The following NRG1 variants were observed in gnomAD, a reference collection of about 807,000 sequenced individuals.
NRG1 encodes neuregulin 1.
NRG1 carries 18 observed loss-of-function variants against 63.8 expected under a neutral mutation model. That is an observed-to-expected ratio of 0.28 (90% CI 0.19 to 0.42). The LOEUF is 0.42. Ranked by LOEUF, NRG1 falls within the 10% of genes least tolerant of loss-of-function variation. The probability of loss-of-function intolerance (pLI) is 1.00; values close to 1 mark genes in which losing one functional copy is unlikely to be tolerated. For missense variants in NRG1, 762 were observed against 814.7 expected (o/e 0.94, Z 0.79); for synonymous variants, 302 against 301.3 (o/e 1.00, Z -0.02).
intron 1 of NRG1, among the ~76,000 whole-genome samples, chr8:32,362,007 T>C (rs977018331): frequency 1.3e-5 from 2 of 152,190 alleles, no homozygotes; most frequent in Non-Finnish European, 2.9e-5. Flanking sequence ...TGATCTCAAG[T>C]GTCACTTTTG....
rs111608323 is a variant in NRG1 at position 32,614,115 on chromosome 8, T to C, written c.401-399T>C. On this transcript the variant is annotated intron_variant, in intron 3 of 11. Coordinates refer to ENST00000356819, the Ensembl canonical transcript of NRG1. The stretch of plus-strand genomic sequence containing the variant: ...GCTTACTTTTATTTTTGAACAAAAA[T>C]GTACTTGTTCAAAGATCTGTAACTT... 7.9e-5 allele frequency among the ~76,000 whole-genome samples: 12 copies of C among 152,214 alleles called. No homozygotes were observed. In the East Asian group the frequency reaches 2.1e-3, roughly 27 times the overall value.
At chr8:31,958,044 C>CAGAT (rs59793665) in intron 1 of NRG1, among the ~76,000 whole-genome samples, 16,557 of 145,764 alleles carry the variant, frequency 0.11, 1,064 homozygotes, top group African/African-American at 0.18. Context: ...CAGTAGAGAC[C>CAGAT]AGATAGATAG....
At chr8:31,911,265 T>TC (rs1205927715) in intron 1 of NRG1, among the ~76,000 whole-genome samples, 3 of 152,150 alleles carry the variant, frequency 2.0e-5, no homozygotes, top group Non-Finnish European at 4.4e-5. Flanking sequence ...AATCATTCTA[T>TC]CATAAAGACA....
chr8:31,651,138 A>G (rs1038747728), intron 1 of NRG1, among the ~76,000 whole-genome samples: 1 of 152,184 alleles, frequency 6.6e-6, no homozygotes, highest in African/African-American at 2.4e-5. Flanking sequence ...GAGAGGAGAA[A>G]GAGAGCTGAA....
intron 1 of NRG1, among the ~76,000 whole-genome samples, chr8:31,972,157 T>C (rs1807397292): frequency 6.6e-6 from 1 of 152,134 alleles, no homozygotes; most frequent in Admixed American, 6.5e-5. Context: ...TAATCTATCC[T>C]TCAGAGGCTT....
At chr8:32,374,042 T>C (rs1182231113) in intron 1 of NRG1, among the ~76,000 whole-genome samples, 1 of 131,046 alleles carries the variant, frequency 7.6e-6, no homozygotes, top group Non-Finnish European at 1.8e-5. Context: ...ATGTGTACAA[T>C]TTTTTTTTAG....
intron 1 of NRG1, among the ~76,000 whole-genome samples, chr8:32,101,028 A>G (rs12678940): frequency 0.42 from 35,765 of 85,304 alleles, 4,814 homozygotes; most frequent in East Asian, 0.53. Flanking sequence ...TTATTCCCAT[A>G]TTGCTTTTTT....
chr8:31,863,841 C>A (rs947478335), intron 1 of NRG1, among the ~76,000 whole-genome samples: 1 of 152,132 alleles, frequency 6.6e-6, no homozygotes, highest in African/African-American at 2.4e-5. Flanking sequence ...TTATACTGGG[C>A]GCTCTCATAG....
intron 1 of NRG1, among the ~76,000 whole-genome samples, chr8:31,834,305 G>GCACACACACACA (rs1554547004): frequency 6.8e-4 from 98 of 144,364 alleles, no homozygotes; most frequent in African/African-American, 2.3e-3. Context: ...GCGCGCACGC[G>GCACACACACACA]CGCACACACA....
chr8:32,180,474 A>G (rs117424683), intron 1 of NRG1, among the ~76,000 whole-genome samples: 2 of 152,284 alleles, frequency 1.3e-5, no homozygotes, highest in East Asian at 3.9e-4. Flanking sequence ...AATAATTGTG[A>G]TATAGTAATA....
intron 1 of NRG1, among the ~76,000 whole-genome samples, chr8:32,585,339 C>T (rs1841404053): frequency 6.6e-6 from 1 of 152,178 alleles, no homozygotes; most frequent in African/African-American, 2.4e-5. Flanking sequence ...TTCAGTGAAG[C>T]TTGCTGGACA....
chr8:32,394,076 T>C (rs1252430072), intron 1 of NRG1, among the ~76,000 whole-genome samples: 1 of 152,214 alleles, frequency 6.6e-6, no homozygotes, highest in Admixed American at 6.5e-5. Flanking sequence ...TCCACTCTTT[T>C]GGCTCTTGTT....
intron 1 of NRG1, among the ~76,000 whole-genome samples, chr8:31,959,538 C>T (rs1444689174): frequency 6.6e-6 from 1 of 152,048 alleles, no homozygotes; most frequent in African/African-American, 2.4e-5. Context: ...GAACGTAAGA[C>T]CAGCTCCTGG....
chr8:32,627,343 G>T (rs1022313382), intron 5 of NRG1, among the ~76,000 whole-genome samples: 14 of 152,156 alleles, frequency 9.2e-5, no homozygotes, highest in African/African-American at 2.9e-4. Flanking sequence ...ACTATAGTAT[G>T]GTAAGTTGAA....
intron 8 of NRG1, 114 bp from the exon 9 acceptor site, chr8:32,756,289 C>G: frequency 1.7e-6 from 2 of 1,163,560 alleles, no homozygotes; most frequent in South Asian, 3.3e-5. Context: ...CCCTCTTCCT[C>G]ATCACCAGTC....
intron 1 of NRG1, among the ~76,000 whole-genome samples, chr8:32,583,106 T>G (rs1840966180): frequency 6.6e-6 from 1 of 152,172 alleles, no homozygotes; most frequent in African/African-American, 2.4e-5. Flanking sequence ...TTCAGATATT[T>G]GTCATGTAAT....
At chr8:32,497,589 C>T (rs1827363351) in intron 1 of NRG1, among the ~76,000 whole-genome samples, 1 of 151,988 alleles carries the variant, frequency 6.6e-6, no homozygotes, top group Non-Finnish European at 1.5e-5. Context: ...CACAGAAGTC[C>T]AAGTCAAGGC....
At chr8:32,078,753 C>T (rs543536222) in intron 1 of NRG1, among the ~76,000 whole-genome samples, 18 of 152,126 alleles carry the variant, frequency 1.2e-4, no homozygotes, top group East Asian at 1.2e-3. Context: ...TTTTTATGTC[C>T]GGCCCACTCT....
intron 1 of NRG1, among the ~76,000 whole-genome samples, chr8:32,096,561 T>C (rs1280294728): frequency 2.0e-5 from 3 of 152,228 alleles, no homozygotes; most frequent in Non-Finnish European, 4.4e-5. Flanking sequence ...ACGTTTGTGA[T>C]GTCTGGAAAA....
Sources: gnomAD v4.1 joint callset for allele counts (sites outside exome capture counted in the v4.1 genomes callset) on GRCh38, gnomAD v4.1.1 for gene constraint, MANE v1.5 for transcripts, NCBI Gene and HGNC (gene_info 2026-07-23, HGNC 2026-07-21) for gene names.